The following PPP2R2B variants were observed in gnomAD, a reference collection of about 807,000 sequenced individuals.
The protein encoded by PPP2R2B is serine/threonine-protein phosphatase 2A 55 kDa regulatory subunit B beta isoform.
PPP2R2B carries 5 observed loss-of-function variants against 46.0 expected under a neutral mutation model. The ratio of observed to expected loss-of-function variants is 0.11; its 90% CI spans 0.06 to 0.23. The LOEUF (loss-of-function observed/expected upper bound fraction) is 0.23, where lower values mean the gene tolerates loss of function less well. Ranked by LOEUF, PPP2R2B falls within the 10% of genes least tolerant of loss-of-function variation. The pLI, the probability that PPP2R2B is intolerant of heterozygous loss-of-function variation, is 1.00. For missense variants in PPP2R2B, 367 were observed against 575.0 expected, an observed-to-expected ratio of 0.64 and a Z score of 3.70; for synonymous variants, 215 against 206.7, an observed-to-expected ratio of 1.04 and a Z score of -0.34.
At chr5:146,690,311 A>G (rs866968108) in intron 5 of PPP2R2B, among the ~76,000 whole-genome samples, 1 of 152,218 alleles carries the variant, frequency 6.6e-6, no homozygotes, top group Non-Finnish European at 1.5e-5. Context: ...CCCTTAAAAG[A>G]TCGCTTTGAG....
rs1314190657 is a variant in PPP2R2B, at chr5:146,725,220, C to CTGTATTT, written c.71-24085_71-24079dup. Among the ~76,000 whole-genome samples the CTGTATTT allele has an allele frequency of 9.9e-5, 15 of 152,268 alleles. No homozygotes were observed. The South Asian group carries it at 1.2e-3, about 13-fold the overall frequency. Reference sequence around the variant, plus strand: ...GGTGATTCTTCTTTTGAGTACCCGACTGTATTTTGCTCTTTCTGGAGTGAA... The same window carrying CTGTATTT: ...GGTGATTCTTCTTTTGAGTACCCGACTGTATTTTGTATTTTGCTCTTTCTGGAGTGAA... On this transcript the variant is annotated intron_variant, in intron 2 of 9. Coordinates refer to ENST00000394411, the MANE Select transcript of PPP2R2B (RefSeq NM_181675.4).
intron 2 of PPP2R2B, among the ~76,000 whole-genome samples, chr5:146,807,830 GC>G (rs1757282992): frequency 1.4e-5 from 1 of 69,852 alleles, no homozygotes. Context: ...AGACAGTTTT[GC>G]TCTTGTTGCC....
chr5:147,004,272 A>G (rs1754325339), intron 1 of PPP2R2B, among the ~76,000 whole-genome samples: 1 of 84,752 alleles, frequency 1.2e-5, no homozygotes, highest in Admixed American at 9.4e-5. Flanking sequence ...ACTAGAAGAC[A>G]CACTGCCCCA....
chr5:147,059,175 G>A (rs1459933587), upstream of PPP2R2B, among the ~76,000 whole-genome samples: 2 of 152,050 alleles, frequency 1.3e-5, no homozygotes, highest in East Asian at 3.9e-4. Context: ...GCATATTCCA[G>A]AAAAAAGAAA....
At chr5:146,599,390 A>G (rs1254713107) in intron 8 of PPP2R2B, among the ~76,000 whole-genome samples, 4 of 152,160 alleles carry the variant, frequency 2.6e-5, no homozygotes, top group Non-Finnish European at 5.9e-5. Flanking sequence ...TCTTATCTAA[A>G]TTGTCTGTTT....
chr5:146,721,697 C>T (rs372890754), intron 2 of PPP2R2B, among the ~76,000 whole-genome samples: 44 of 152,316 alleles, frequency 2.9e-4, no homozygotes, highest in South Asian at 8.3e-4. Context: ...ATCATTAAGG[C>T]GAAACATTTA....
At position 147,015,136 on chromosome 5, in the gene PPP2R2B, C is replaced by G. The variant is rs1213422117; in HGVS notation, c.79+40529G>C. 2.6e-5 allele frequency among the ~76,000 whole-genome samples: 4 copies of G among 152,160 alleles called. No individual in the cohort carries two copies. The East Asian group carries it at 5.8e-4, about 22-fold the overall frequency. On this transcript the variant is annotated intron_variant, in intron 1 of 8. Transcript: ENST00000336640. ...TGTTGTTTTTGTTCACCGATGTTTC[C>G]TAGTACATAAAACAGTGCCTGACAC...
intron 2 of PPP2R2B, among the ~76,000 whole-genome samples, chr5:146,778,261 C>T (rs1182720177): frequency 6.6e-6 from 1 of 152,162 alleles, no homozygotes; most frequent in Non-Finnish European, 1.5e-5. Flanking sequence ...TAAAGCAGAT[C>T]ACCTTAAAAT....
chr5:146,708,306 G>A (rs892637691), intron 2 of PPP2R2B, among the ~76,000 whole-genome samples: 22 of 150,338 alleles, frequency 1.5e-4, no homozygotes, highest in Non-Finnish European at 2.5e-4. Flanking sequence ...GCAGTGAGCC[G>A]AGATCATGCC....
chr5:146,743,907 T>A (rs1441779672), intron 2 of PPP2R2B, among the ~76,000 whole-genome samples: 1 of 152,134 alleles, frequency 6.6e-6, no homozygotes, highest in African/African-American at 2.4e-5. Flanking sequence ...CTAGGACCAA[T>A]GATGTGCAAA....
chr5:146,896,829 T>C (rs1413203661), intron 1 of PPP2R2B, among the ~76,000 whole-genome samples: 4 of 152,246 alleles, frequency 2.6e-5, no homozygotes, highest in South Asian at 4.2e-4. Flanking sequence ...TTTAGTATAA[T>C]TGGGGAAAAG....
intron 1 of PPP2R2B, among the ~76,000 whole-genome samples, chr5:147,006,954 A>T (rs1209531111): frequency 2.0e-5 from 3 of 152,174 alleles, no homozygotes; most frequent in African/African-American, 7.2e-5. Flanking sequence ...GTTGGGCAAC[A>T]TGGCTTCTCC....
At chr5:146,926,783 T>C (rs1763796160) in intron 1 of PPP2R2B, among the ~76,000 whole-genome samples, 6 of 152,114 alleles carry the variant, frequency 3.9e-5, no homozygotes, top group Admixed American at 3.9e-4. Context: ...CATTGAGACT[T>C]TGGGTAAACC....
chr5:147,009,074 GA>G (rs1306712322), intron 1 of PPP2R2B, among the ~76,000 whole-genome samples: 1 of 152,062 alleles, frequency 6.6e-6, no homozygotes, highest in African/African-American at 2.4e-5. Context: ...AAAGCTCTTA[GA>G]AAAAACTGGC....
chr5:146,646,726 T>C (rs1775605852), intron 6 of PPP2R2B, among the ~76,000 whole-genome samples: 1 of 152,234 alleles, frequency 6.6e-6, no homozygotes, highest in Non-Finnish European at 1.5e-5. Context: ...ATTAGCAGAA[T>C]AAAAGCTACC....
At chr5:147,075,937 G>T (rs1757752616) in intron 2 of PPP2R2B, among the ~76,000 whole-genome samples, 1 of 98,590 alleles carries the variant, frequency 1.0e-5, no homozygotes, top group African/African-American at 3.6e-5. Flanking sequence ...GTGTTATGTT[G>T]TTTAAAATAT....
intron 1 of PPP2R2B, among the ~76,000 whole-genome samples, chr5:146,890,095 G>T (rs1250809447): frequency 2.6e-5 from 4 of 152,192 alleles, no homozygotes; most frequent in Non-Finnish European, 5.9e-5. Flanking sequence ...TCTTAAGAAG[G>T]TTAATAAAAA....
intron 2 of PPP2R2B, among the ~76,000 whole-genome samples, chr5:146,713,194 C>T (rs1251612779): frequency 3.3e-5 from 5 of 152,086 alleles, no homozygotes; most frequent in African/African-American, 4.8e-5. Flanking sequence ...ATGCAGGTAT[C>T]TGTAGGAAGA....
chr5:146,859,803 A>C (rs1251418616), intron 2 of PPP2R2B, among the ~76,000 whole-genome samples: 1 of 152,090 alleles, frequency 6.6e-6, no homozygotes, highest in Non-Finnish European at 1.5e-5. Flanking sequence ...TTCAAATTTC[A>C]AGGTGCCAAG....
Sources: gnomAD v4.1 joint callset for allele counts (sites outside exome capture counted in the v4.1 genomes callset) on GRCh38, gnomAD v4.1.1 for gene constraint, MANE v1.5 for transcripts, NCBI Gene and HGNC (gene_info 2026-07-23, HGNC 2026-07-21) for gene names.